The following CDKAL1 variants were observed in gnomAD, a reference collection of about 807,000 sequenced individuals.
CDKAL1 encodes threonylcarbamoyladenosine tRNA methylthiotransferase.
Under a neutral mutation model 68.2 loss-of-function variants are expected in CDKAL1, and 32 were observed. The ratio of observed to expected loss-of-function variants is 0.47; its 90% CI spans 0.35 to 0.63. CDKAL1 has a LOEUF of 0.63. Ranked by LOEUF, CDKAL1 falls within the 30% of genes least tolerant of loss-of-function variation. CDKAL1 has a pLI of 0.00. For synonymous variants in CDKAL1, 234 were observed against 244.3 expected (o/e 0.96, Z 0.39); for missense variants, 606 against 696.7 (o/e 0.87, Z 1.47).
chr6:20,909,553 A>G (rs1252775631), intron 9 of CDKAL1, among the ~76,000 whole-genome samples: 1 of 152,240 alleles, frequency 6.6e-6, no homozygotes, highest in Non-Finnish European at 1.5e-5. Context: ...AAATCAGCAT[A>G]AAACACAGAT....
chr6:20,734,405 A>C (rs1773093291), intron 5 of CDKAL1, among the ~76,000 whole-genome samples: 1 of 152,136 alleles, frequency 6.6e-6, no homozygotes, highest in Non-Finnish European at 1.5e-5. Context: ...ACTATTTTAA[A>C]TTTTCTTCAG....
Position 20,758,547 on chromosome 6 carries a change from T to A in CDKAL1, c.469-48T>A, listed in dbSNP as rs374092987. 1.0e-4 allele frequency: 154 copies of A among 1,537,682 alleles called. No homozygotes were observed. The South Asian group carries it at 1.0e-3, about 10-fold the overall frequency. On this transcript the variant is annotated intron_variant, in intron 6 of 15. Transcript: ENST00000274695. ...CAAGCATAAGGATAAACACAAATTT[T>A]GTTTCTTCGTGTAAATTACTTGTGT...
intron 5 of CDKAL1, among the ~76,000 whole-genome samples, chr6:20,661,826 A>G (rs1769296762): frequency 6.6e-6 from 1 of 152,200 alleles, no homozygotes; most frequent in Non-Finnish European, 1.5e-5. Flanking sequence ...AGTGAGTGAA[A>G]GAGGGCAGTG....
At chr6:21,082,570 T>C (rs1035065034) in intron 12 of CDKAL1, among the ~76,000 whole-genome samples, 14 of 152,210 alleles carry the variant, frequency 9.2e-5, no homozygotes, top group Admixed American at 1.3e-4. Context: ...TTCAAAGTAA[T>C]TTTAGAACAT....
At chr6:20,709,416 G>A (rs530678077) in intron 5 of CDKAL1, among the ~76,000 whole-genome samples, 20 of 152,012 alleles carry the variant, frequency 1.3e-4, no homozygotes, top group Admixed American at 1.2e-3. Flanking sequence ...ACTCATTGGA[G>A]CATTTTCAAT....
chr6:20,896,103 C>CT (rs777787310), intron 9 of CDKAL1, among the ~76,000 whole-genome samples: 21,479 of 88,926 alleles, frequency 0.24, 2,518 homozygotes, highest in Middle Eastern at 0.34. Context: ...CTTTTCTTTT[C>CT]TTTTTTTTTT....
At chr6:20,815,180 T>G (rs1379791353) in intron 8 of CDKAL1, among the ~76,000 whole-genome samples, 2 of 152,244 alleles carry the variant, frequency 1.3e-5, no homozygotes, top group African/African-American at 4.8e-5. Flanking sequence ...ATTTAGCATT[T>G]TTGCATTGGT....
In CDKAL1 at chr6:21,021,359, T is replaced by G. The variant is rs1393574030; in HGVS notation, c.1055+20987T>G. Among the ~76,000 whole-genome samples the G allele has an allele frequency of 2.6e-5, 4 of 152,092 alleles. No individual in the cohort carries two copies. The East Asian group carries it at 7.7e-4, about 29-fold the overall frequency. ...TGATTGCTGCTACTTTTTTATGTAT[T>G]CAAAGCAATATTAATAACAAAACAA... On this transcript the variant is annotated intron_variant, in intron 11 of 15. Transcript: ENST00000274695.
intron 4 of CDKAL1, among the ~76,000 whole-genome samples, chr6:20,575,137 C>G (rs1344262373): frequency 6.6e-6 from 1 of 151,920 alleles, no homozygotes; most frequent in Non-Finnish European, 1.5e-5. Flanking sequence ...TTAGGTAACT[C>G]AAAGACAGAA....
chr6:21,077,703 C>T lies in CDKAL1; in HGVS notation c.1236+12475C>T, dbSNP rs147444794. ...ATGAGAACAGCAAGGGGGAAGTCTG[C>T]CCCCATGACCCAGTCACCTCTCACC... On this transcript the variant is annotated intron_variant, in intron 12 of 15. Coordinates refer to ENST00000274695, the MANE Select transcript of CDKAL1 (RefSeq NM_017774.3). 9.8e-5 allele frequency among the ~76,000 whole-genome samples: 15 copies of T among 152,312 alleles called. No homozygotes were observed. The East Asian group carries it at 2.9e-3, about 29-fold the overall frequency.
chr6:21,097,593 TTAAGG>T (rs1773379988), intron 12 of CDKAL1, among the ~76,000 whole-genome samples: 1 of 152,214 alleles, frequency 6.6e-6, no homozygotes, highest in Non-Finnish European at 1.5e-5. Context: ...TTTACTTTTC[TTAAGG>T]TAAGGGTTAA....
chr6:20,951,454 C>G (rs1431617646), intron 9 of CDKAL1, among the ~76,000 whole-genome samples: 1 of 152,192 alleles, frequency 6.6e-6, no homozygotes, highest in Non-Finnish European at 1.5e-5. Context: ...CTACTTCCGT[C>G]TCCTGTCATC....
chr6:21,210,392 C>A (rs1197680229), intron 15 of CDKAL1, among the ~76,000 whole-genome samples: 1 of 152,066 alleles, frequency 6.6e-6, no homozygotes, highest in East Asian at 1.9e-4. Context: ...ACCTTTATAC[C>A]ATACTAATGA....
At chr6:20,779,868 T>C (rs970877603) in intron 7 of CDKAL1, among the ~76,000 whole-genome samples, 58 of 152,242 alleles carry the variant, frequency 3.8e-4, no homozygotes, top group African/African-American at 1.3e-3. Flanking sequence ...GCCAAAACTT[T>C]ATAAATGTAT....
chr6:20,961,814 G>T (rs1056661780), intron 10 of CDKAL1, among the ~76,000 whole-genome samples: 1 of 150,984 alleles, frequency 6.6e-6, no homozygotes, highest in East Asian at 1.9e-4. Flanking sequence ...CAAGTACTAC[G>T]CTTAGTACCT....
At chr6:20,727,942 A>T (rs1772728788) in intron 5 of CDKAL1, among the ~76,000 whole-genome samples, 1 of 152,158 alleles carries the variant, frequency 6.6e-6, no homozygotes, top group African/African-American at 2.4e-5. Flanking sequence ...TTCTAATTTC[A>T]AGGCAGTTTT....
At chr6:20,566,622 CTT>C (rs1448712242) in intron 4 of CDKAL1, among the ~76,000 whole-genome samples, 1 of 152,016 alleles carries the variant, frequency 6.6e-6, no homozygotes, top group Admixed American at 6.6e-5. Flanking sequence ...TTATTAACAT[CTT>C]TTGATTTTTT....
chr6:20,767,550 A>G (rs1429344414), intron 7 of CDKAL1, among the ~76,000 whole-genome samples: 1 of 152,126 alleles, frequency 6.6e-6, no homozygotes, highest in East Asian at 1.9e-4. Context: ...AAGTAATTTG[A>G]TGGCTCAGAT....
At chr6:20,663,565 A>G (rs375745125) in intron 5 of CDKAL1, among the ~76,000 whole-genome samples, 2 of 152,140 alleles carry the variant, frequency 1.3e-5, no homozygotes, top group East Asian at 1.9e-4. Flanking sequence ...AACAGAATAC[A>G]TAGGAGAAGT....
Sources: allele counts gnomAD v4.1 joint callset (sites outside exome capture counted in the v4.1 genomes callset), GRCh38; gene constraint gnomAD v4.1.1; transcripts MANE v1.5; gene names NCBI Gene and HGNC (gene_info 2026-07-23, HGNC 2026-07-21).